Variants in C1RL observed in about 807,000 individuals in gnomAD.
C1RL encodes the protein complement C1r subcomponent like.
Under a neutral mutation model 27.9 loss-of-function variants are expected in C1RL, and 27 were observed. The observed-to-expected ratio is 0.97, with a 90% confidence interval of 0.71 to 1.33. The LOEUF (loss-of-function observed/expected upper bound fraction) is 1.33, where lower values mean the gene tolerates loss of function less well. C1RL is among the 40% of genes most tolerant of loss of function. C1RL has a pLI of 0.00. For missense variants in C1RL, 563 were observed against 623.9 expected (o/e 0.90, Z 1.04); for synonymous variants, 248 against 252.1 (o/e 0.98, Z 0.15).
At chr12:7,103,303 T>G (rs1235452847) in intron 2 of C1RL, among the ~76,000 whole-genome samples, 1 of 152,230 alleles carries the variant, frequency 6.6e-6, no homozygotes, top group Non-Finnish European at 1.5e-5. Context: ...CTTAGGATTC[T>G]AACTAGGAAA....
chr12:7,096,372 C>A lies in C1RL; in HGVS notation c.*19G>T, dbSNP rs760369254. 3 of 1,550,558 alleles carry A rather than the reference C, an allele frequency of 1.9e-6. No homozygotes were observed. In the Admixed American group the frequency reaches 5.2e-5, roughly 27 times the overall value. On this transcript the variant is annotated 3_prime_UTR_variant, in exon 6 of 6. Transcript: ENST00000266542. ...GGGGCCTCCACTGTGCTGGTCAGTC[C>A]CTGTTCAAGCCCCCAGGGTCAATTC...
intron 5 of C1RL, among the ~76,000 whole-genome samples, chr12:7,098,053 G>T (rs1214649615): frequency 1.3e-5 from 2 of 152,076 alleles, no homozygotes; most frequent in Non-Finnish European, 2.9e-5. Context: ...GGATCACGAG[G>T]TCAGGAGATC....
rs893766554 is a variant in C1RL at position 7,104,426 on chromosome 12, C to T, written c.301-2339G>A. 5.3e-5 allele frequency among the ~76,000 whole-genome samples: 8 copies of T among 152,196 alleles called. No individual in the cohort carries two copies. The highest frequency in any genetic ancestry group is 1.4e-4 in the African/African-American group (6 of 41,432). On this transcript the variant is annotated intron_variant, in intron 2 of 5. Transcript: ENST00000266542. The surrounding 1 kb of genome is among the most constrained non-coding windows in gnomAD (Gnocchi z 5.4). Reference sequence around the variant, plus strand: ...CATCGTCGTTTCATTATGACGTTGACGAGAAAAAATATTGCCCCGTGTCCG... The same window carrying T: ...CATCGTCGTTTCATTATGACGTTGATGAGAAAAAATATTGCCCCGTGTCCG...
At chr12:7,102,198 T>G in intron 2 of C1RL, 111 bp from the exon 3 acceptor site, 1 of 1,137,378 alleles carries the variant, frequency 8.8e-7, no homozygotes, top group South Asian at 1.4e-5. Flanking sequence ...AGACGGGCCG[T>G]GCCCCTCTGG....
At position 7,096,908 on chromosome 12, in the gene C1RL, T is replaced by A. The variant is rs1291325008; in HGVS notation, c.947A>T (p.Asn316Ile). ...TAIDEMLKLG[N>I]HPVHRVVVHP... ...CACAACGACACGGTGGACAGGGTGG[T>A]TCCCCAGTTTCAGCATCTCATCTAT... is the stretch of plus-strand genomic sequence containing the variant. The change falls in exon 6 of 6, where the codon AAC becomes ATC. Residue 316 changes from asparagine to isoleucine, a missense_variant. By Grantham distance (149) the Asn-to-Ile change is moderately radical. Coordinates refer to ENST00000266542, the MANE Select transcript of C1RL (RefSeq NM_016546.4). 21 of 1,602,750 alleles carry A rather than the reference T, an allele frequency of 1.3e-5. No individual in the cohort carries two copies. Among genetic ancestry groups the A allele is most frequent in the Non-Finnish European group, 1.6e-5 (19 of 1,172,810 alleles).
chr12:7,097,371 C>T (rs1938481723), intron 5 of C1RL: 1 of 518,036 alleles, frequency 1.9e-6, no homozygotes, highest in East Asian at 3.3e-5. Flanking sequence ...CAACCTCCGC[C>T]TCCTGCGCTC....
intron 2 of C1RL, among the ~76,000 whole-genome samples, chr12:7,106,144 G>A (rs1938758242): frequency 6.6e-6 from 1 of 152,178 alleles, no homozygotes; most frequent in African/African-American, 2.4e-5. Flanking sequence ...CAGAATACTG[G>A]TAATAAGGAA....
Position 7,094,856 on chromosome 12 carries a change from A to G in C1RL, c.*1535T>C. On this transcript the variant is annotated 3_prime_UTR_variant, in exon 6 of 6. Coordinates refer to ENST00000266542, the MANE Select transcript of C1RL (RefSeq NM_016546.4). ...AGCCTCCTGAGTGGCTGGGGGTATA[A>G]GTGTGCATCATTGCACCTGCCTTTT... is the stretch of plus-strand genomic sequence containing the variant. 1.0e-6 allele frequency: 1 copy of G among 996,148 alleles called. No homozygotes were observed. Among genetic ancestry groups the G allele is most frequent in the Middle Eastern group, 5.1e-4 (1 of 1,960 alleles). 61.7% of individuals were successfully genotyped at this position (996,148 alleles called of 1,614,324 possible). A position where few individuals can be genotyped will look rare whatever the true frequency, so the allele number is the denominator to read the frequency against.
At chr12:7,108,690 G>C in intron 1 of C1RL, 1 of 574,200 alleles carries the variant, frequency 1.7e-6, no homozygotes, top group Admixed American at 3.2e-5. Context: ...CGCAGCCTGA[G>C]CTCTAGGATT....
chr12:7,108,435 C>G lies in C1RL; in HGVS notation c.116G>C (p.Arg39Pro). 3 of 1,611,616 alleles carry G rather than the reference C, an allele frequency of 1.9e-6. No homozygotes were observed. In the South Asian group the frequency reaches 3.3e-5, roughly 18 times the overall value. Residue 39 changes from arginine to proline, a missense_variant, in exon 2 of 6, where the codon CGG becomes CCG. Coordinates refer to ENST00000266542, the MANE Select transcript of C1RL (RefSeq NM_016546.4). ...CTCTTGGGCCAAGAGGACGGAGCCCCGGGTTGGGCAAGCCTGGAGGACTCC... is the reference window on the plus strand; with the variant it reads ...CTCTTGGGCCAAGAGGACGGAGCCCGGGGTTGGGCAAGCCTGGAGGACTCC... ...LWGVLQACPT[R>P]GSVLLAQELP...
intron 4 of C1RL, 53 bp from the exon 5 acceptor site, chr12:7,099,813 G>C: frequency 2.5e-6 from 4 of 1,612,120 alleles, no homozygotes. Flanking sequence ...TGAAGCTGTT[G>C]GTTAACGAAG....
At chr12:7,097,545 G>T (rs1354882180) in intron 5 of C1RL, among the ~76,000 whole-genome samples, 1 of 152,122 alleles carries the variant, frequency 6.6e-6, no homozygotes, top group African/African-American at 2.4e-5. Context: ...GCCTCCCAAA[G>T]TGCTGGGATT....
In C1RL at chr12:7,096,287, A is replaced by AAC; in HGVS notation, c.*103_*104insGT. The stretch of plus-strand genomic sequence containing the variant: ...GAATAGGATTTCCCTGCCTCCCCCA[A>AAC]CCCCCCACCCCCAACCCCTACCCCA... On this transcript the variant is annotated 3_prime_UTR_variant, in exon 6 of 6. Coordinates refer to ENST00000266542, the MANE Select transcript of C1RL (RefSeq NM_016546.4). 2.5e-5 allele frequency: 11 copies of AAC among 444,696 alleles called. No individual in the cohort carries two copies. Among genetic ancestry groups the AAC allele is most frequent in the East Asian group, 1.6e-4 (1 of 6,244 alleles). 27.5% of individuals were successfully genotyped at this position (444,696 alleles called of 1,614,324 possible).
chr12:7,096,108 G>T lies in C1RL; in HGVS notation c.*283C>A. 1 of 1,189,212 alleles carries T rather than the reference G, an allele frequency of 8.4e-7. No homozygotes were observed. The highest frequency in any genetic ancestry group is 3.2e-5 in the South Asian group (1 of 31,366). The allele number at this position is 1,189,212 out of a possible 1,614,324, so 73.7% of individuals were successfully genotyped here. ...TCTAAGGACATTCAAGGCGAAAGTT[G>T]TTGAGATGTACAGGCTTCCCGGGGC... On this transcript the variant is annotated 3_prime_UTR_variant, in exon 6 of 6. Transcript: ENST00000266542.
rs1938388059 is a variant in C1RL at position 7,095,074 on chromosome 12, A to T, written c.*1317T>A. On this transcript the variant is annotated 3_prime_UTR_variant, in exon 6 of 6. Coordinates refer to ENST00000266542, the MANE Select transcript of C1RL (RefSeq NM_016546.4). The stretch of plus-strand genomic sequence containing the variant: ...TGGTGTTTATTTTCTATTTCCATTG[A>T]ACAGTTGTATTTTATTTGTGTCTTT... 1 of 1,183,702 alleles carries T rather than the reference A, an allele frequency of 8.4e-7. No homozygotes were observed. Among genetic ancestry groups the T allele is most frequent in the African/African-American group, 1.7e-5 (1 of 60,222 alleles). The allele number at this position is 1,183,702 out of a possible 1,614,324, so 73.3% of individuals were successfully genotyped here. A position where few individuals can be genotyped will look rare whatever the true frequency, so the allele number is the denominator to read the frequency against.
At chr12:7,097,736 G>A (rs749030142) in intron 5 of C1RL, among the ~76,000 whole-genome samples, 1 of 152,250 alleles carries the variant, frequency 6.6e-6, no homozygotes, top group East Asian at 1.9e-4. Flanking sequence ...ACATGTTTGG[G>A]GCTGGTTCTG....
At chr12:7,099,129 G>A (rs1273333915) in intron 5 of C1RL, among the ~76,000 whole-genome samples, 1 of 149,416 alleles carries the variant, frequency 6.7e-6, no homozygotes, top group East Asian at 2.0e-4. Context: ...GGAGGCTGAG[G>A]CAGGAGAATC....
chr12:7,101,063 C>T (rs975896643), intron 3 of C1RL, among the ~76,000 whole-genome samples: 3 of 122,648 alleles, frequency 2.4e-5, no homozygotes, highest in African/African-American at 6.2e-5. Flanking sequence ...ATCATGTGCA[C>T]CCTTCCTTCC....
Position 7,096,597 on chromosome 12 carries a change from A to G in C1RL, c.1258T>C (p.Phe420Leu), listed in dbSNP as rs1938437205. The G allele has an allele frequency of 6.2e-7, 1 of 1,613,942 alleles. No homozygotes were observed. Among genetic ancestry groups the G allele is most frequent in the Non-Finnish European group, 8.5e-7 (1 of 1,180,026 alleles). The change falls in exon 6 of 6, where the codon TTC becomes CTC. Residue 420 changes from phenylalanine to leucine, a missense_variant. Physicochemically the swap from Phe to Leu is conservative, Grantham distance 22. Transcript: ENST00000266542. Reference protein sequence around the residue: ...QRPEVFSDNMFCVGDETQRHS... With the variant: ...QRPEVFSDNMLCVGDETQRHS... ...CTTTGCGTCTCATCCCCAACACAGA[A>G]CATATTGTCAGAAAACACCTCGGGT...
Sources: allele counts gnomAD v4.1 joint callset (sites outside exome capture counted in the v4.1 genomes callset), GRCh38; gene constraint gnomAD v4.1.1; non-coding constraint Gnocchi (gnomAD v3.1); transcripts MANE v1.5; gene names NCBI Gene and HGNC (gene_info 2026-07-23, HGNC 2026-07-21).